NALF1: variants seen among roughly 807,000 people sequenced by gnomAD.
NALF1 encodes family with sequence similarity 155 member A.
Under a neutral mutation model 48.4 loss-of-function variants are expected in NALF1, and 3 were observed. The observed-to-expected ratio is 0.06, with a 90% CI of 0.03 to 0.16. NALF1 has a LOEUF of 0.16. Among genes scored for constraint, NALF1 ranks in the 10% least tolerant of loss-of-function variants. NALF1 has a pLI of 1.00. For synonymous variants in NALF1, 262 were observed against 245.7 expected, an observed-to-expected ratio of 1.07 and a Z score of -0.62; for missense variants, 526 against 571.5, an observed-to-expected ratio of 0.92 and a Z score of 0.81.
chr13:107,535,274 T>C (rs565425237), intron 1 of NALF1, among the ~76,000 whole-genome samples: 1 of 152,276 alleles, frequency 6.6e-6, no homozygotes, highest in South Asian at 2.1e-4. Flanking sequence ...TCCAAGGGAA[T>C]GCTTCCAGTT....
intron 1 of NALF1, among the ~76,000 whole-genome samples, chr13:107,694,666 T>A (rs182877885): frequency 2.3e-3 from 348 of 152,296 alleles, no homozygotes; most frequent in African/African-American, 8.0e-3. Context: ...AAATTTAATT[T>A]TATCAAAATA....
chr13:107,802,226 C>T (rs1878639771), intron 1 of NALF1, among the ~76,000 whole-genome samples: 1 of 152,098 alleles, frequency 6.6e-6, no homozygotes, highest in African/African-American at 2.4e-5. Flanking sequence ...ATATTTTTCA[C>T]CAATTACTCA....
At chr13:107,512,022 C>T (rs976538706) in intron 1 of NALF1, among the ~76,000 whole-genome samples, 6 of 152,152 alleles carry the variant, frequency 3.9e-5, no homozygotes, top group African/African-American at 1.4e-4. Flanking sequence ...AATGTTAGTA[C>T]ATTTGGTTGG....
intron 1 of NALF1, among the ~76,000 whole-genome samples, chr13:107,661,824 C>CT (rs1880741126): frequency 6.6e-6 from 1 of 151,828 alleles, no homozygotes; most frequent in Non-Finnish European, 1.5e-5. Flanking sequence ...ATATTTTAAG[C>CT]CTGATACTTA....
chr13:107,862,483 T>C (rs1407515986), intron 1 of NALF1, among the ~76,000 whole-genome samples: 1 of 152,128 alleles, frequency 6.6e-6, no homozygotes, highest in Admixed American at 6.5e-5. Flanking sequence ...ATTTCTGCTG[T>C]AGTATTTACT....
At chr13:107,425,544 TATGTACTGTGATATCAGATATCC>T (rs1362937572) in intron 1 of NALF1, among the ~76,000 whole-genome samples, 1 of 152,162 alleles carries the variant, frequency 6.6e-6, no homozygotes. Flanking sequence ...GTTGAATATT[TATGTACTGTGATATCAGATATCC>T]ATGTACTATG....
At chr13:107,392,072 C>T (rs143578194) in intron 1 of NALF1, among the ~76,000 whole-genome samples, 119 of 152,188 alleles carry the variant, frequency 7.8e-4, no homozygotes, top group African/African-American at 2.6e-3. Flanking sequence ...TAAAAATTGT[C>T]GAACTTTATT....
chr13:107,635,125 C>T (rs534297509), intron 1 of NALF1, among the ~76,000 whole-genome samples: 1 of 152,214 alleles, frequency 6.6e-6, no homozygotes, highest in East Asian at 1.9e-4. Context: ...AACTGGTGGG[C>T]TTTTGACTTT....
intron 1 of NALF1, among the ~76,000 whole-genome samples, chr13:107,525,593 A>AC (rs2139101147): frequency 6.6e-6 from 1 of 152,244 alleles, no homozygotes; most frequent in South Asian, 2.1e-4. Flanking sequence ...AAACTTTGGT[A>AC]TAAACATATA....
At chr13:107,645,373 A>T (rs1880287854) in intron 1 of NALF1, among the ~76,000 whole-genome samples, 1 of 152,070 alleles carries the variant, frequency 6.6e-6, no homozygotes, top group South Asian at 2.1e-4. Flanking sequence ...ACCTTCAAAG[A>T]TGTTCACCTT....
At chr13:107,364,679 T>C (rs1053202544) in intron 1 of NALF1, among the ~76,000 whole-genome samples, 6 of 152,054 alleles carry the variant, frequency 3.9e-5, no homozygotes, top group Non-Finnish European at 8.8e-5. Context: ...TGGTTTTAAG[T>C]AAAGGAGTCA....
intron 1 of NALF1, among the ~76,000 whole-genome samples, chr13:107,546,916 G>C (rs1453971153): frequency 6.6e-6 from 1 of 152,086 alleles, no homozygotes; most frequent in Non-Finnish European, 1.5e-5. Context: ...ATAAACATTG[G>C]CAAGCCTAGT....
At chr13:107,496,099 C>T (rs1815280) in intron 1 of NALF1, among the ~76,000 whole-genome samples, 60,407 of 151,904 alleles carry the variant, frequency 0.4, 12,290 homozygotes, top group Middle Eastern at 0.42. Flanking sequence ...ACAAGCTAAA[C>T]TGTTCTTTCT....
At chr13:107,643,542 T>TC (rs560173282) in intron 1 of NALF1, among the ~76,000 whole-genome samples, 2 of 128,122 alleles carry the variant, frequency 1.6e-5, no homozygotes, top group African/African-American at 3.0e-5. Context: ...GTGTATTTGG[T>TC]GGGGGGGGGG....
intron 1 of NALF1, among the ~76,000 whole-genome samples, chr13:107,295,388 C>T (rs1881706406): frequency 6.6e-6 from 1 of 152,146 alleles, no homozygotes; most frequent in Non-Finnish European, 1.5e-5. Flanking sequence ...TCTAATCCAC[C>T]ATTGATGGAC....
chr13:107,790,558 T>C (rs533468652), intron 1 of NALF1, among the ~76,000 whole-genome samples: 1 of 152,220 alleles, frequency 6.6e-6, no homozygotes, highest in African/African-American at 2.4e-5. Flanking sequence ...CTGAAATCTG[T>C]ATGTCAGATC....
At chr13:107,292,714 A>C (rs1008920106) in intron 1 of NALF1, among the ~76,000 whole-genome samples, 14 of 152,230 alleles carry the variant, frequency 9.2e-5, no homozygotes, top group African/African-American at 3.1e-4. Flanking sequence ...GAGGCTGTTT[A>C]CAGTTAAAAT....
intron 1 of NALF1, among the ~76,000 whole-genome samples, chr13:107,429,852 C>T (rs1312962432): frequency 6.6e-6 from 1 of 152,174 alleles, no homozygotes; most frequent in Non-Finnish European, 1.5e-5. Context: ...CATGTAAATA[C>T]ATGTTCAATC....
intron 1 of NALF1, among the ~76,000 whole-genome samples, chr13:107,545,116 G>A (rs961898667): frequency 6.6e-6 from 1 of 152,228 alleles, no homozygotes; most frequent in Non-Finnish European, 1.5e-5. Context: ...TATAGATGCA[G>A]TCAAGTTAAG....
Sources: allele counts gnomAD v4.1 joint callset (sites outside exome capture counted in the v4.1 genomes callset), GRCh38; gene constraint gnomAD v4.1.1; transcripts MANE v1.5; gene names NCBI Gene and HGNC (gene_info 2026-07-23, HGNC 2026-07-21).